Variants in CYSLTR2 observed in about 807,000 individuals in gnomAD.
CYSLTR2 encodes cysteinyl leukotriene receptor 2, also known as G-protein coupled receptor GPCR21.
For missense variants in CYSLTR2, 398 were observed against 411.9 expected, an observed-to-expected ratio of 0.97 and a Z score of 0.29; for synonymous variants, 179 against 160.8, an observed-to-expected ratio of 1.11 and a Z score of -0.86.
rs74910973 is a variant in CYSLTR2 at position 48,705,171 on chromosome 13, T to C, written c.-1-1646T>C. Among the ~76,000 whole-genome samples, 8 of 152,312 alleles carry C rather than the reference T, an allele frequency of 5.3e-5. No individual in the cohort carries two copies. The East Asian group carries it at 1.5e-3, about 29-fold the overall frequency. ...GTTAAACCCTGTTATTTTTATATAG[T>C]GTCCCTCACTGTCTCTGGCAATGTC... On this transcript the variant is annotated intron_variant, in intron 4 of 4. Coordinates refer to ENST00000682523, the MANE Select transcript of CYSLTR2 (RefSeq NM_001308476.3).
chr13:48,677,465 G>A (rs187312936), intron 1 of CYSLTR2, among the ~76,000 whole-genome samples: 1 of 152,176 alleles, frequency 6.6e-6, no homozygotes, highest in Admixed American at 6.5e-5. Context: ...GATGCTCAGA[G>A]AGCAAAGGTT....
chr13:48,674,705 T>C (rs976344442), intron 1 of CYSLTR2, among the ~76,000 whole-genome samples: 4 of 152,364 alleles, frequency 2.6e-5, no homozygotes, highest in South Asian at 2.1e-4. Flanking sequence ...AGAGTCATTC[T>C]GGTTTTTGGA....
Position 48,677,028 on chromosome 13 carries a change from G to C in CYSLTR2, c.-265-14184G>C, listed in dbSNP as rs1953615153. Among the ~76,000 whole-genome samples the C allele has an allele frequency of 3.3e-5, 5 of 152,122 alleles. No homozygotes were observed. In the South Asian group the frequency reaches 1.0e-3, roughly 32 times the overall value. On this transcript the variant is annotated intron_variant, in intron 1 of 4. Coordinates refer to ENST00000682523, the MANE Select transcript of CYSLTR2 (RefSeq NM_001308476.3). The stretch of plus-strand genomic sequence containing the variant: ...GAGGTGAGCCGAGGACAAAGATGGG[G>C]CTCCAGTGGGTGTCCACAATAGGGT...
At chr13:48,663,518 G>A (rs1257579686) in intron 1 of CYSLTR2, among the ~76,000 whole-genome samples, 3 of 152,008 alleles carry the variant, frequency 2.0e-5, no homozygotes, top group Non-Finnish European at 4.4e-5. Context: ...TATTTCATCA[G>A]TGTCTTGTAG....
intron 1 of CYSLTR2, among the ~76,000 whole-genome samples, chr13:48,689,011 A>G (rs750631596): frequency 2.0e-5 from 3 of 152,220 alleles, no homozygotes; most frequent in South Asian, 2.1e-4. Flanking sequence ...ATGACCAGTG[A>G]TGATGAGCTT....
rs1953196425 is a variant in CYSLTR2, at chr13:48,664,025, T to C, written c.-266+10008T>C. ...CTTCTATACCTAATTGTAAGAAGTT[T>C]CTATCATGAAGTGAGCTTAAATTTT... On this transcript the variant is annotated intron_variant, in intron 1 of 4. Transcript: ENST00000682523. 2.6e-5 allele frequency among the ~76,000 whole-genome samples: 4 copies of C among 152,104 alleles called. 1 individual carries two copies. The South Asian group carries it at 8.3e-4, about 31-fold the overall frequency.
chr13:48,682,544 A>G (rs1593979400), intron 1 of CYSLTR2, among the ~76,000 whole-genome samples: 1 of 152,246 alleles, frequency 6.6e-6, no homozygotes, highest in African/African-American at 2.4e-5. Context: ...GTTGAGATCC[A>G]TCAAAACGAG....
chr13:48,664,056 A>G (rs1462073819), intron 1 of CYSLTR2, among the ~76,000 whole-genome samples: 1 of 152,094 alleles, frequency 6.6e-6, no homozygotes, highest in Non-Finnish European at 1.5e-5. Flanking sequence ...ATTTTATCAA[A>G]AGATTTTTCT....
intron 1 of CYSLTR2, among the ~76,000 whole-genome samples, chr13:48,686,869 G>A (rs1017823944): frequency 2.0e-5 from 3 of 152,120 alleles, no homozygotes; most frequent in African/African-American, 7.2e-5. Context: ...AAGTCAACTT[G>A]ACTGGATTAA....
At chr13:48,654,828 T>C (rs1325533731) in intron 1 of CYSLTR2, among the ~76,000 whole-genome samples, 1 of 152,202 alleles carries the variant, frequency 6.6e-6, no homozygotes, top group African/African-American at 2.4e-5. Context: ...TGCAGTATTT[T>C]ATCTTGTTTT....
In CYSLTR2 at chr13:48,707,370, A is replaced by G; in HGVS notation, c.553A>G (p.Thr185Ala). 6.2e-7 allele frequency: 1 copy of G among 1,614,124 alleles called. No homozygotes were observed. Among genetic ancestry groups the G allele is most frequent in the Non-Finnish European group, 8.5e-7 (1 of 1,180,030 alleles). The change falls in exon 5 of 5, where the codon ACA becomes GCA. Residue 185 changes from threonine to alanine, a missense_variant. Transcript: ENST00000682523. ...DSGSEQNGSVTSCLELNLYKI... is the reference protein window; with the variant it reads ...DSGSEQNGSVASCLELNLYKI... Reference sequence around the variant, plus strand: ...TGGCTCTGAGCAGAACGGCAGTGTCACATCATGCTTAGAGCTGAATCTCTA... The same window carrying G: ...TGGCTCTGAGCAGAACGGCAGTGTCGCATCATGCTTAGAGCTGAATCTCTA...
chr13:48,663,283 C>G (rs1402592479), intron 1 of CYSLTR2, among the ~76,000 whole-genome samples: 1 of 152,066 alleles, frequency 6.6e-6, no homozygotes, highest in Non-Finnish European at 1.5e-5. Context: ...GTGATACTTC[C>G]AGCTTTGTTC....
At chr13:48,705,099 C>G (rs1355112951) in intron 4 of CYSLTR2, among the ~76,000 whole-genome samples, 2 of 152,132 alleles carry the variant, frequency 1.3e-5, no homozygotes, top group African/African-American at 2.4e-5. Flanking sequence ...TTTTGCAACT[C>G]TGTTGTTTGG....
At chr13:48,706,742 G>A in intron 4 of CYSLTR2, 75 bp from the exon 5 acceptor site, 4 of 1,180,716 alleles carry the variant, frequency 3.4e-6, no homozygotes, top group Non-Finnish European at 4.9e-6. Context: ...AACCTAGAGA[G>A]ATGTAATCAG....
In CYSLTR2 at chr13:48,707,462, C is replaced by T. The variant is rs764342670; in HGVS notation, c.645C>T (p.Phe215=). 1.2e-6 allele frequency: 2 copies of T among 1,613,710 alleles called. No individual in the cohort carries two copies. Among genetic ancestry groups the T allele is most frequent in the East Asian group, 4.5e-5 (2 of 44,894 alleles). Residue 215 remains phenylalanine, a synonymous_variant, in exon 5 of 5, where the codon TTC becomes TTT. Transcript: ENST00000682523. ...ALVVGCLLPF[F]TLSICYLLII... ...TGGTGGGCTGCCTGCTGCCATTTTT[C>T]ACACTCAGCATCTGTTATCTGCTGA...
At chr13:48,694,161 A>G (rs531488450) in intron 3 of CYSLTR2, among the ~76,000 whole-genome samples, 9 of 150,846 alleles carry the variant, frequency 6.0e-5, no homozygotes, top group African/African-American at 2.0e-4. Context: ...ATTGTCTACA[A>G]TGAGGGCTGA....
intron 1 of CYSLTR2, among the ~76,000 whole-genome samples, chr13:48,679,780 G>A (rs192264293): frequency 4.6e-5 from 7 of 152,102 alleles, no homozygotes; most frequent in South Asian, 4.1e-4. Flanking sequence ...GCCTTTCCCC[G>A]GAGCCCTTGG....
Position 48,680,800 on chromosome 13 carries a change from CTTTTTT to C in CYSLTR2, c.-265-10397_-265-10392del, listed in dbSNP as rs139896583. On this transcript the variant is annotated intron_variant, in intron 1 of 4. Coordinates refer to ENST00000682523, the MANE Select transcript of CYSLTR2 (RefSeq NM_001308476.3). ...TTCTTTCTTTCTTTTCTTTTCTTTTCTTTTTTTTTTTTTTTTTTTTGCAGTCTAGTG... is the reference window on the plus strand; with the variant it reads ...TTCTTTCTTTCTTTTCTTTTCTTTTCTTTTTTTTTTTTTTGCAGTCTAGTG... Among the ~76,000 whole-genome samples, 349 of 55,044 alleles carry C rather than the reference CTTTTTT, an allele frequency of 6.3e-3. 2 individuals carry two copies. The highest frequency in any genetic ancestry group is 0.023 in the African/African-American group (330 of 14,494). The allele number at this position is 55,044 out of a possible 152,430, so 36.1% of individuals were successfully genotyped here.
chr13:48,678,950 A>G (rs1273424068), intron 1 of CYSLTR2, among the ~76,000 whole-genome samples: 1 of 152,018 alleles, frequency 6.6e-6, no homozygotes, highest in Non-Finnish European at 1.5e-5. Context: ...AACTGTCCTC[A>G]TCTGCTGCCA....
Sources: allele counts gnomAD v4.1 joint callset (sites outside exome capture counted in the v4.1 genomes callset), GRCh38; gene constraint gnomAD v4.1.1; transcripts MANE v1.5; gene names NCBI Gene and HGNC (gene_info 2026-07-23, HGNC 2026-07-21).